SNTG2: variants seen among roughly 807,000 people sequenced by gnomAD.
SNTG2 encodes the protein gamma-2-syntrophin.
Under a neutral mutation model 70.9 loss-of-function variants are expected in SNTG2, and 74 were observed. The observed-to-expected ratio is 1.04, with a 90% confidence interval of 0.86 to 1.27. SNTG2 has a LOEUF of 1.27. Among genes scored for constraint, SNTG2 ranks in the 50% most tolerant of loss-of-function variants. SNTG2 has a pLI of 0.00. For synonymous variants in SNTG2, 278 were observed against 273.8 expected (o/e 1.02, Z -0.15); for missense variants, 717 against 690.7 (o/e 1.04, Z -0.43).
chr2:1,015,084 C>T (rs1659846918), intron 1 of SNTG2, among the ~76,000 whole-genome samples: 1 of 152,034 alleles, frequency 6.6e-6, no homozygotes, highest in African/African-American at 2.4e-5. Flanking sequence ...GAGACGCAGG[C>T]GGGAAACCTT....
chr2:1,237,844 T>G (rs1489711132), intron 9 of SNTG2, 44 bp from the exon 10 acceptor site: 8 of 1,562,604 alleles, frequency 5.1e-6, no homozygotes, highest in Non-Finnish European at 6.9e-6. Context: ...GCAGGCCCGC[T>G]CCCGTCGCTG....
intron 1 of SNTG2, among the ~76,000 whole-genome samples, chr2:1,023,396 G>A (rs1266869793): frequency 1.3e-5 from 2 of 152,066 alleles, no homozygotes; most frequent in Admixed American, 6.6e-5. Context: ...GTTGGAGGCT[G>A]GATGGTGGTA....
At chr2:1,357,774 T>G (rs1416368883) in intron 16 of SNTG2, among the ~76,000 whole-genome samples, 1 of 152,104 alleles carries the variant, frequency 6.6e-6, no homozygotes, top group Non-Finnish European at 1.5e-5. Context: ...TATCCAATTT[T>G]TTTCTAGGTG....
At chr2:1,168,426 A>G (rs1004762642) in intron 7 of SNTG2, among the ~76,000 whole-genome samples, 1 of 152,236 alleles carries the variant, frequency 6.6e-6, no homozygotes, top group African/African-American at 2.4e-5. Flanking sequence ...TCAGAGCCCC[A>G]AAGCCGGCCC....
chr2:1,077,778 G>A (rs1664020180), intron 1 of SNTG2, among the ~76,000 whole-genome samples: 1 of 152,074 alleles, frequency 6.6e-6, no homozygotes, highest in Admixed American at 6.5e-5. Flanking sequence ...AACGAACTTT[G>A]TGAAATGAGG....
intron 14 of SNTG2, among the ~76,000 whole-genome samples, chr2:1,291,218 G>C (rs572163030): frequency 6.6e-6 from 1 of 152,166 alleles, no homozygotes; most frequent in South Asian, 2.1e-4. Flanking sequence ...GTTTTCTTCT[G>C]GTTCAGTTGT....
intron 1 of SNTG2, among the ~76,000 whole-genome samples, chr2:976,666 G>A (rs1174303445): frequency 6.6e-6 from 1 of 152,190 alleles, no homozygotes; most frequent in African/African-American, 2.4e-5. Flanking sequence ...TCAGTGATGA[G>A]TGTTGTTCAG....
rs1661525679 is a variant in SNTG2 at position 1,367,031 on chromosome 2, C to CTT, written c.1489-312_1489-311insTT. The stretch of plus-strand genomic sequence containing the variant: ...CCCAGATTACGGGGTCTGACTTAAT[C>CTT]AAGACCCATCACTGAAGATGCAAAA... On this transcript the variant is annotated intron_variant, in intron 16 of 16. Coordinates refer to ENST00000308624, the MANE Select transcript of SNTG2 (RefSeq NM_018968.4). 2.0e-5 allele frequency among the ~76,000 whole-genome samples: 3 copies of CTT among 152,210 alleles called. No homozygotes were observed. The South Asian group carries it at 6.2e-4, about 32-fold the overall frequency.
At chr2:956,858 A>G (rs1660180033) in intron 1 of SNTG2, among the ~76,000 whole-genome samples, 1 of 152,218 alleles carries the variant, frequency 6.6e-6, no homozygotes, top group Admixed American at 6.5e-5. Flanking sequence ...ATTTATGCCC[A>G]GTTTATTTGG....
At chr2:1,337,860 AT>A (rs1387652465) in intron 16 of SNTG2, among the ~76,000 whole-genome samples, 1 of 152,066 alleles carries the variant, frequency 6.6e-6, no homozygotes, top group African/African-American at 2.4e-5. Flanking sequence ...TCCTTGATTC[AT>A]TTGGGGTTAA....
intron 1 of SNTG2, among the ~76,000 whole-genome samples, chr2:1,026,279 C>G (rs758651799): frequency 2.0e-5 from 3 of 152,196 alleles, no homozygotes; most frequent in Non-Finnish European, 1.5e-5. Flanking sequence ...ATCAGACTCT[C>G]AATTGGCGTT....
intron 14 of SNTG2, among the ~76,000 whole-genome samples, chr2:1,282,151 G>A (rs1177723504): frequency 1.3e-5 from 2 of 152,204 alleles, no homozygotes; most frequent in Non-Finnish European, 2.9e-5. Flanking sequence ...TATGACTACA[G>A]TAATGTCCTT....
At chr2:986,101 G>GAGAA (rs1335458928) in intron 1 of SNTG2, among the ~76,000 whole-genome samples, 1 of 151,320 alleles carries the variant, frequency 6.6e-6, no homozygotes, top group Non-Finnish European at 1.5e-5. Flanking sequence ...GAGAGAGAGA[G>GAGAA]AGAGAGAGAT....
In SNTG2 at chr2:1,083,602, A is replaced by T; in HGVS notation, c.157A>T (p.Thr53Ser). ...GCTGAAGCTGACGAAAGAGGTGCTG[A>T]CAATTCAGAAACAAGATGTTGTCTG... ...IRLKLTKEVLTIQKQDVVCVG... is the reference protein window; with the variant it reads ...IRLKLTKEVLSIQKQDVVCVG... The change falls in exon 2 of 17, where the codon ACA becomes TCA. Residue 53 changes from threonine to serine, a missense_variant. Thr to Ser is a moderately conservative substitution (Grantham distance 58, BLOSUM62 1). Transcript: ENST00000308624. The T allele has an allele frequency of 6.2e-7, 1 of 1,613,764 alleles. No individual in the cohort carries two copies. The highest frequency in any genetic ancestry group is 1.1e-5 in the South Asian group (1 of 91,070).
chr2:1,061,739 G>A (rs1211479559), intron 1 of SNTG2, among the ~76,000 whole-genome samples: 1 of 152,110 alleles, frequency 6.6e-6, no homozygotes, highest in Non-Finnish European at 1.5e-5. Context: ...GCATCCATGC[G>A]CTGTTGCTGG....
chr2:1,138,368 G>A (rs1258608893), intron 6 of SNTG2, among the ~76,000 whole-genome samples: 1 of 152,190 alleles, frequency 6.6e-6, no homozygotes, highest in Non-Finnish European at 1.5e-5. Flanking sequence ...CCAATGTCAC[G>A]TCAGGTTAGG....
chr2:1,017,445 T>C lies in SNTG2; in HGVS notation c.73-66073T>C, dbSNP rs969914466. The stretch of plus-strand genomic sequence containing the variant: ...CGTGTACACATGCAGACACATGCAA[T>C]GTGCATGCACAAACATGCAAACAAA... On this transcript the variant is annotated intron_variant, in intron 1 of 16. Transcript: ENST00000308624. 2.0e-5 allele frequency among the ~76,000 whole-genome samples: 3 copies of C among 152,320 alleles called. No individual in the cohort carries two copies. In the East Asian group the frequency reaches 5.8e-4, roughly 29 times the overall value.
At chr2:1,149,716 C>T (rs1669348269) in intron 6 of SNTG2, among the ~76,000 whole-genome samples, 1 of 141,344 alleles carries the variant, frequency 7.1e-6, no homozygotes, top group South Asian at 2.5e-4. Flanking sequence ...CAAATGGAAT[C>T]TGGCTCTGTT....
intron 1 of SNTG2, among the ~76,000 whole-genome samples, chr2:1,023,344 T>C (rs1660303405): frequency 6.6e-6 from 1 of 152,092 alleles, no homozygotes; most frequent in Non-Finnish European, 1.5e-5. Context: ...TCTCCTGTAG[T>C]GTGAGGTGAG....
Sources: gnomAD v4.1 joint callset for allele counts (sites outside exome capture counted in the v4.1 genomes callset) on GRCh38, gnomAD v4.1.1 for gene constraint, MANE v1.5 for transcripts, NCBI Gene and HGNC (gene_info 2026-07-23, HGNC 2026-07-21) for gene names.